KIAA1328: variants seen among roughly 807,000 people sequenced by gnomAD.
The protein encoded by KIAA1328 is protein hinderin.
KIAA1328 carries 52 observed loss-of-function variants against 68.1 expected under a neutral mutation model. The observed-to-expected ratio is 0.76, with a 90% CI of 0.61 to 0.96. The LOEUF (loss-of-function observed/expected upper bound fraction) is 0.96, where lower values mean the gene tolerates loss of function less well. Ranked by LOEUF, KIAA1328 falls within the 40% of genes least tolerant of loss-of-function variation. The probability of loss-of-function intolerance (pLI) is 0.00; values close to 1 mark genes in which losing one functional copy is unlikely to be tolerated. For missense variants in KIAA1328, 641 were observed against 677.6 expected (o/e 0.95, Z 0.60); for synonymous variants, 232 against 239.4 (o/e 0.97, Z 0.28).
intron 6 of KIAA1328, among the ~76,000 whole-genome samples, chr18:37,001,264 A>G (rs967039958): frequency 1.3e-5 from 2 of 152,142 alleles, no homozygotes; most frequent in Non-Finnish European, 2.9e-5. Context: ...AAAAACTGGA[A>G]AATCTATAGG....
intron 6 of KIAA1328, among the ~76,000 whole-genome samples, chr18:37,007,907 T>C (rs1210183157): frequency 6.6e-6 from 1 of 152,358 alleles, no homozygotes. Flanking sequence ...GCAACCTGTA[T>C]GGAAATGAGT....
At chr18:37,087,690 A>G (rs952317247) in intron 7 of KIAA1328, among the ~76,000 whole-genome samples, 14 of 152,278 alleles carry the variant, frequency 9.2e-5, no homozygotes, top group Admixed American at 3.3e-4. Flanking sequence ...ACTTGCTACT[A>G]TCCATAGATT....
At chr18:37,081,253 A>G (rs1052092697) in intron 7 of KIAA1328, among the ~76,000 whole-genome samples, 3 of 152,284 alleles carry the variant, frequency 2.0e-5, no homozygotes, top group Middle Eastern at 3.4e-3. Flanking sequence ...AAGTGCCGGG[A>G]TTACAGGCAT....
intron 6 of KIAA1328, among the ~76,000 whole-genome samples, chr18:37,027,076 TAACA>T (rs201886548): frequency 0.11 from 16,127 of 151,314 alleles, 1,059 homozygotes; most frequent in Non-Finnish European, 0.13. Context: ...TTTACACCAA[TAACA>T]AACAGAGAGC....
intron 6 of KIAA1328, among the ~76,000 whole-genome samples, chr18:37,000,129 G>GAC (rs1403007674): frequency 1.3e-5 from 2 of 151,998 alleles, no homozygotes; most frequent in African/African-American, 4.8e-5. Context: ...AACTTGTAAA[G>GAC]ACACAGGTAG....
At chr18:36,879,128 G>C (rs968587395) in intron 4 of KIAA1328, among the ~76,000 whole-genome samples, 3 of 151,988 alleles carry the variant, frequency 2.0e-5, no homozygotes, top group Admixed American at 2.0e-4. Flanking sequence ...GCCTTTTTGT[G>C]CTGGTTTTTC....
intron 6 of KIAA1328, among the ~76,000 whole-genome samples, chr18:36,966,427 C>T (rs1598844665): frequency 6.6e-6 from 1 of 151,866 alleles, no homozygotes; most frequent in East Asian, 1.9e-4. Flanking sequence ...ATATAAAGAT[C>T]GTGTGTGTGT....
chr18:37,225,122 C>T lies in KIAA1328; in HGVS notation c.*2895C>T, dbSNP rs1792946107. On this transcript the variant is annotated 3_prime_UTR_variant, in exon 10 of 10. Coordinates refer to ENST00000280020, the MANE Select transcript of KIAA1328 (RefSeq NM_020776.3). ...TTGTCCCTGCTTCCGGCACCAAGTT[C>T]ATAATAGAGATCTTCTGGCCAGAGA... 1 of 984,910 alleles carries T rather than the reference C, an allele frequency of 1.0e-6. No homozygotes were observed. Among genetic ancestry groups the T allele is most frequent in the Non-Finnish European group, 1.2e-6 (1 of 829,816 alleles). The allele number at this position is 984,910 out of a possible 1,614,324, so 61.0% of individuals were successfully genotyped here.
chr18:37,192,516 G>C (rs886431102), intron 9 of KIAA1328, among the ~76,000 whole-genome samples: 4 of 152,272 alleles, frequency 2.6e-5, no homozygotes, highest in African/African-American at 9.6e-5. Flanking sequence ...AATTTACAAA[G>C]CAGGCACTTC....
chr18:37,083,913 T>A (rs1480981966), intron 7 of KIAA1328, among the ~76,000 whole-genome samples: 1 of 152,226 alleles, frequency 6.6e-6, no homozygotes, highest in African/African-American at 2.4e-5. Flanking sequence ...AACTTAATCT[T>A]CCCTACCTTT....
At chr18:37,129,915 TAA>T (rs2058482605) in intron 7 of KIAA1328, among the ~76,000 whole-genome samples, 1 of 152,106 alleles carries the variant, frequency 6.6e-6, no homozygotes, top group South Asian at 2.1e-4. Context: ...AGTGTGGAAT[TAA>T]GAGAGAATTT....
intron 1 of KIAA1328, among the ~76,000 whole-genome samples, chr18:36,831,247 C>A (rs955596389): frequency 6.6e-6 from 1 of 152,130 alleles, no homozygotes; most frequent in Non-Finnish European, 1.5e-5. Flanking sequence ...GGAGAGATTT[C>A]TTAGTCCTTG....
intron 9 of KIAA1328, among the ~76,000 whole-genome samples, chr18:37,176,206 T>TG (rs1302271099): frequency 9.2e-5 from 14 of 152,348 alleles, no homozygotes; most frequent in African/African-American, 3.4e-4. Context: ...ATTGTAGACT[T>TG]GCAGTTACAA....
intron 1 of KIAA1328, 139 bp downstream of exon 1, chr18:36,829,335 C>G: frequency 7.1e-7 from 1 of 1,399,246 alleles, no homozygotes. Flanking sequence ...CGGCCCCAGT[C>G]TAGGTGCTGG....
At chr18:37,049,385 G>A (rs980283041) in intron 6 of KIAA1328, among the ~76,000 whole-genome samples, 3 of 152,056 alleles carry the variant, frequency 2.0e-5, no homozygotes, top group Non-Finnish European at 1.5e-5. Flanking sequence ...AGAAGTTAGG[G>A]CATTTGAGCA....
chr18:36,853,754 G>T (rs1176285342), intron 4 of KIAA1328, among the ~76,000 whole-genome samples: 2 of 152,080 alleles, frequency 1.3e-5, no homozygotes, highest in Non-Finnish European at 2.9e-5. Context: ...CGTCTTCTGG[G>T]TTCAAGTGAT....
downstream of KIAA1328, among the ~76,000 whole-genome samples, chr18:37,227,156 G>C (rs1024412179): frequency 6.6e-6 from 1 of 152,228 alleles, no homozygotes. Context: ...TGAAGGCTGA[G>C]AGAGATGAAG....
chr18:36,940,720 G>A (rs921306383), intron 5 of KIAA1328, among the ~76,000 whole-genome samples: 1 of 145,676 alleles, frequency 6.9e-6, no homozygotes, highest in South Asian at 2.1e-4. Context: ...TCTGTCACCA[G>A]GCTGGAGTGC....
intron 7 of KIAA1328, among the ~76,000 whole-genome samples, chr18:37,131,793 A>C (rs1237992400): frequency 6.6e-5 from 10 of 152,214 alleles, no homozygotes; most frequent in Admixed American, 6.5e-4. Context: ...TGATTGATTT[A>C]AACTAGTCAC....
Sources: gnomAD v4.1 joint callset for allele counts (sites outside exome capture counted in the v4.1 genomes callset) on GRCh38, gnomAD v4.1.1 for gene constraint, MANE v1.5 for transcripts, NCBI Gene and HGNC (gene_info 2026-07-23, HGNC 2026-07-21) for gene names.